The following AFF3 variants were observed in gnomAD, a reference collection of about 807,000 sequenced individuals.
AFF3 encodes ALF transcription elongation factor 3.
A neutral mutation model predicts 129.7 loss-of-function variants in AFF3; 32 were observed. That is an observed-to-expected ratio of 0.25 (90% CI 0.19 to 0.33). AFF3 has a LOEUF of 0.33. Among genes scored for constraint, AFF3 ranks in the 10% least tolerant of loss-of-function variants. The pLI is 1.00. For missense variants in AFF3, 1,373 were observed against 1,592.0 expected, an observed-to-expected ratio of 0.86 and a Z score of 2.34; for synonymous variants, 644 against 635.4, an observed-to-expected ratio of 1.01 and a Z score of -0.20.
At chr2:99,993,584 G>T (rs921973925) in intron 7 of AFF3, among the ~76,000 whole-genome samples, 3 of 151,418 alleles carry the variant, frequency 2.0e-5, no homozygotes, top group African/African-American at 7.3e-5. Context: ...ATACAAAAAC[G>T]AGAGAGAGTT....
chr2:100,024,590 A>G (rs1350109301), intron 4 of AFF3, among the ~76,000 whole-genome samples: 1 of 151,850 alleles, frequency 6.6e-6, no homozygotes, highest in Non-Finnish European at 1.5e-5. Flanking sequence ...CCTGGGCAAC[A>G]AGAGTGAAAC....
intron 7 of AFF3, among the ~76,000 whole-genome samples, chr2:99,859,884 C>T (rs2105909188): frequency 6.6e-6 from 1 of 152,252 alleles, no homozygotes; most frequent in South Asian, 2.1e-4. Context: ...CCAGTCCTAG[C>T]AGACCAGGCT....
chr2:100,046,021 G>A (rs1003029626), intron 4 of AFF3, among the ~76,000 whole-genome samples: 1 of 152,126 alleles, frequency 6.6e-6, no homozygotes, highest in African/African-American at 2.4e-5. Flanking sequence ...CCCCAGAGCT[G>A]TTCAAGGGTC....
rs575139981 is a variant in AFF3 at position 99,840,748 on chromosome 2, C to T, written c.874-3224G>A. On this transcript the variant is annotated intron_variant, in intron 7 of 24. Transcript: ENST00000672756. Reference sequence around the variant, plus strand: ...ACTGGATCAGAGAGCTCTTTTGGAACCTGATCCTTTTCCAGGGAAGCCTGA... The same window carrying T: ...ACTGGATCAGAGAGCTCTTTTGGAATCTGATCCTTTTCCAGGGAAGCCTGA... Among the ~76,000 whole-genome samples, 3 of 152,246 alleles carry T rather than the reference C, an allele frequency of 2.0e-5. No homozygotes were observed. In the South Asian group the frequency reaches 6.2e-4, roughly 32 times the overall value.
At chr2:99,878,401 C>A (rs988545969) in intron 7 of AFF3, among the ~76,000 whole-genome samples, 6 of 152,150 alleles carry the variant, frequency 3.9e-5, no homozygotes, top group Admixed American at 1.3e-4. Context: ...AACCTGTAAT[C>A]ATGTACTTAT....
chr2:100,085,809 T>C (rs1291809655), intron 4 of AFF3, among the ~76,000 whole-genome samples: 1 of 152,098 alleles, frequency 6.6e-6, no homozygotes, highest in Non-Finnish European at 1.5e-5. Flanking sequence ...ACAGACTCCA[T>C]GCTTCTTCAG....
intron 11 of AFF3, among the ~76,000 whole-genome samples, chr2:99,724,232 G>T (rs1308556441): frequency 1.5e-5 from 2 of 135,572 alleles, no homozygotes; most frequent in African/African-American, 5.6e-5. Flanking sequence ...AAATCAGAAG[G>T]TTTATGCTCT....
Position 99,744,054 on chromosome 2 carries a change from C to T in AFF3, c.1039+50G>A, listed in dbSNP as rs373274983. ...ATCCTCCCTCCCCTTCTGCCCTCTG[C>T]CCCCACCCCCTGCTCCCCAGATGAA... On this transcript the variant is annotated intron_variant, in intron 10 of 24. Coordinates refer to ENST00000672756, the MANE Select transcript of AFF3 (RefSeq NM_001386135.1). 3.5e-4 allele frequency: 525 copies of T among 1,488,958 alleles called. 3 individuals carry two copies. The highest frequency in any genetic ancestry group is 4.7e-4 in the Non-Finnish European group (505 of 1,076,618). The allele number at this position is 1,488,958 out of a possible 1,614,324, so 92.2% of individuals were successfully genotyped here.
intron 11 of AFF3, among the ~76,000 whole-genome samples, chr2:99,723,203 A>G (rs1346288874): frequency 1.3e-5 from 2 of 152,134 alleles, no homozygotes; most frequent in Non-Finnish European, 2.9e-5. Flanking sequence ...ATTGCCCTGA[A>G]TGCTCATAGG....
intron 4 of AFF3, among the ~76,000 whole-genome samples, chr2:100,011,029 C>T (rs944302021): frequency 6.6e-6 from 1 of 152,166 alleles, no homozygotes; most frequent in African/African-American, 2.4e-5. Context: ...AATCCCAGCA[C>T]TTTGGGAGGC....
chr2:99,821,558 G>A lies in AFF3; in HGVS notation c.921+15919C>T, dbSNP rs930159960. Among the ~76,000 whole-genome samples the A allele has an allele frequency of 3.3e-5, 5 of 152,272 alleles. 1 individual carries two copies. The highest frequency in any genetic ancestry group is 3.3e-4 in the Admixed American group (5 of 15,302). On this transcript the variant is annotated intron_variant, in intron 8 of 24. Transcript: ENST00000672756. The stretch of plus-strand genomic sequence containing the variant: ...AAAGTTTACGAATTTTTGTTGGGCC[G>A]CATTCAAAGCCGTCCTGGGCTGCAT...
chr2:99,757,646 T>C (rs931505932), intron 8 of AFF3, among the ~76,000 whole-genome samples: 1 of 152,174 alleles, frequency 6.6e-6, no homozygotes, highest in Non-Finnish European at 1.5e-5. Context: ...CTTAACCATA[T>C]CCTGGGCTAC....
At chr2:99,709,100 G>A (rs552783032) in intron 11 of AFF3, among the ~76,000 whole-genome samples, 2 of 152,312 alleles carry the variant, frequency 1.3e-5, no homozygotes, top group Admixed American at 6.5e-5. Context: ...GGCTCTAGGC[G>A]GGTGCAGAGT....
At chr2:99,777,429 G>A (rs556629408) in intron 8 of AFF3, among the ~76,000 whole-genome samples, 12 of 152,276 alleles carry the variant, frequency 7.9e-5, no homozygotes, top group Admixed American at 3.3e-4. Context: ...TCAGAGTCCT[G>A]AGTCCCTAGA....
chr2:99,745,111 G>C (rs1014493726), intron 9 of AFF3, among the ~76,000 whole-genome samples: 2 of 152,106 alleles, frequency 1.3e-5, no homozygotes, highest in Non-Finnish European at 2.9e-5. Flanking sequence ...GTTTTGATTT[G>C]TATTTCCCTA....
At chr2:99,892,695 G>C (rs1693663068) in intron 7 of AFF3, among the ~76,000 whole-genome samples, 1 of 152,138 alleles carries the variant, frequency 6.6e-6, no homozygotes, top group Non-Finnish European at 1.5e-5. Flanking sequence ...AGTTCCAGAG[G>C]TCCCTTCAGA....
intron 12 of AFF3, among the ~76,000 whole-genome samples, chr2:99,659,937 G>A (rs1281083020): frequency 1.3e-5 from 2 of 152,092 alleles, no homozygotes; most frequent in Admixed American, 6.5e-5. Context: ...TGCTCATCTG[G>A]GCTTTGGTCA....
At chr2:99,706,421 G>A (rs1677391671) in intron 11 of AFF3, among the ~76,000 whole-genome samples, 1 of 152,224 alleles carries the variant, frequency 6.6e-6, no homozygotes, top group South Asian at 2.1e-4. Context: ...CTGGTGGGCT[G>A]ATGGTTCCCT....
intron 12 of AFF3, among the ~76,000 whole-genome samples, chr2:99,657,576 C>T (rs1375426107): frequency 6.6e-6 from 1 of 152,188 alleles, no homozygotes; most frequent in African/African-American, 2.4e-5. Context: ...CTACTGTTTG[C>T]CACGATCTCC....
Sources: gnomAD v4.1 joint callset for allele counts (sites outside exome capture counted in the v4.1 genomes callset) on GRCh38, gnomAD v4.1.1 for gene constraint, MANE v1.5 for transcripts, NCBI Gene and HGNC (gene_info 2026-07-23, HGNC 2026-07-21) for gene names.